MYOM2: variants seen among roughly 807,000 people sequenced by gnomAD.
MYOM2 encodes myomesin 2, also known as myomesin-2.
Under a neutral mutation model 187.6 loss-of-function variants are expected in MYOM2, and 254 were observed. The ratio of observed to expected loss-of-function variants is 1.35; its 90% CI spans 1.22 to 1.50. The LOEUF is 1.50. MYOM2 is among the 40% of genes most tolerant of loss of function. MYOM2 has a pLI of 0.00. For missense variants in MYOM2, 2,796 were observed against 1,924.0 expected (o/e 1.45, Z -8.48); for synonymous variants, 981 against 753.8 (o/e 1.30, Z -4.94).
intron 31 of MYOM2, among the ~76,000 whole-genome samples, chr8:2,128,351 A>G (rs992036255): frequency 5.3e-5 from 8 of 152,224 alleles, no homozygotes; most frequent in African/African-American, 1.9e-4. Context: ...TTGTTACACT[A>G]TCCTCCACAA....
intron 34 of MYOM2, among the ~76,000 whole-genome samples, chr8:2,141,505 T>G (rs1443518869): frequency 6.6e-6 from 1 of 152,184 alleles, no homozygotes; most frequent in African/African-American, 2.4e-5. Flanking sequence ...TAAACCTGAG[T>G]GGGGCTTTTG....
intron 32 of MYOM2, among the ~76,000 whole-genome samples, chr8:2,135,743 A>G (rs541967708): frequency 6.6e-6 from 1 of 152,342 alleles, no homozygotes; most frequent in African/African-American, 2.4e-5. Context: ...TTATGTCTCT[A>G]AACAACAATA....
chr8:2,065,750 A>C (rs1030211331), intron 6 of MYOM2, among the ~76,000 whole-genome samples: 2 of 152,176 alleles, frequency 1.3e-5, no homozygotes, highest in Non-Finnish European at 2.9e-5. Flanking sequence ...AATATTATCC[A>C]ATTACATAGA....
chr8:2,118,236 T>C (rs141820501), intron 28 of MYOM2, among the ~76,000 whole-genome samples: 1,638 of 152,300 alleles, frequency 0.011, 16 homozygotes, highest in Non-Finnish European at 0.017. Flanking sequence ...AGTGAGTTTA[T>C]GAGAAAGTGT....
intron 32 of MYOM2, among the ~76,000 whole-genome samples, chr8:2,135,026 G>A (rs1432032762): frequency 2.6e-5 from 4 of 152,226 alleles, no homozygotes; most frequent in South Asian, 4.1e-4. Flanking sequence ...GCATCTCACC[G>A]TCTGTGTACT....
At position 2,078,779 on chromosome 8, in the gene MYOM2, G is replaced by A. The variant is rs138301259; in HGVS notation, c.1308G>A (p.Pro436=). The change falls in exon 12 of 37, where the codon CCG becomes CCA. Residue 436 remains proline, a synonymous_variant. Coordinates refer to ENST00000262113, the MANE Select transcript of MYOM2 (RefSeq NM_003970.4). ...TNNWVQCNDA[P]VKICKYPVTG... The stretch of plus-strand genomic sequence containing the variant: ...ATTGGGTGCAGTGCAATGATGCACC[G>A]GTGAAAATCTGCAAATACCCGGTCA... 8.1e-5 allele frequency: 130 copies of A among 1,614,022 alleles called. No individual in the cohort carries two copies. The highest frequency in any genetic ancestry group is 2.5e-4 in the East Asian group (11 of 44,890).
At position 2,072,405 on chromosome 8, in the gene MYOM2, G is replaced by T. The variant is rs1648384150; in HGVS notation, c.854G>T (p.Gly285Val). ...HFDVQFLEKF[G>V]VTFRREGETV... ...GACGTCCAGTTTTTGGAGAAGTTTGGGGTCACCTTCAGGAGGGAAGGCGAG... is the reference window on the plus strand; with the variant it reads ...GACGTCCAGTTTTTGGAGAAGTTTGTGGTCACCTTCAGGAGGGAAGGCGAG... Residue 285 changes from glycine (G) to valine (V), a missense_variant, in exon 9 of 37, where the codon GGG (glycine) becomes GTG (valine). By Grantham distance (109) the Gly-to-Val change is moderately radical (BLOSUM62 -3). Transcript: ENST00000262113. 2 of 1,614,054 alleles carry T rather than the reference G, an allele frequency of 1.2e-6. No individual in the cohort carries two copies.
chr8:2,112,324 T>C (rs778041152), intron 25 of MYOM2, among the ~76,000 whole-genome samples: 19 of 144,176 alleles, frequency 1.3e-4, no homozygotes, highest in Non-Finnish European at 2.1e-4. Flanking sequence ...TTGAAGAGGC[T>C]GAAGTAGTCA....
intron 13 of MYOM2, 75 bp downstream of exon 13, chr8:2,079,688 A>G (rs1819556795): frequency 6.7e-7 from 1 of 1,482,468 alleles, no homozygotes; most frequent in South Asian, 1.1e-5. Context: ...GGAGAGATGG[A>G]CAGAGAACGC....
chr8:2,135,075 A>G (rs79655414), intron 32 of MYOM2, among the ~76,000 whole-genome samples: 4,256 of 152,256 alleles, frequency 0.028, 62 homozygotes, highest in Middle Eastern at 0.048. Context: ...CACAGCCTTC[A>G]TTCAAGCCTT....
rs113213631 is a variant in MYOM2, at chr8:2,096,245, A to G, written c.2126-2A>G. On this transcript the variant is annotated splice_acceptor_variant, in intron 17 of 36. Coordinates refer to ENST00000262113, the MANE Select transcript of MYOM2 (RefSeq NM_003970.4). LOFTEE classifies it high-confidence loss of function. Reference sequence around the variant, plus strand: ...TAACTCCCTGGTTGTGCTTCCTTGCAGCCGTCCCGTCCCATCCTTATGGGA... The same window carrying G: ...TAACTCCCTGGTTGTGCTTCCTTGCGGCCGTCCCGTCCCATCCTTATGGGA... 1.7e-5 allele frequency: 28 copies of G among 1,611,144 alleles called. No individual in the cohort carries two copies. The highest frequency in any genetic ancestry group is 2.2e-5 in the Non-Finnish European group (26 of 1,178,102).
intron 32 of MYOM2, among the ~76,000 whole-genome samples, chr8:2,131,371 G>A (rs771737363): frequency 6.6e-6 from 1 of 152,030 alleles, no homozygotes; most frequent in African/African-American, 2.4e-5. Context: ...TGAAAGAGCA[G>A]GGATTTGAAC....
In MYOM2 at chr8:2,096,431, A is replaced by C. The variant is rs376566126; in HGVS notation, c.2310A>C (p.Leu770=). Residue 770 remains leucine (L), a synonymous_variant, in exon 18 of 37, where the codon CTA becomes CTC. Coordinates refer to ENST00000262113, the MANE Select transcript of MYOM2 (RefSeq NM_003970.4). ...CCTCACCCAGCAAACCGACAATCCT[A>C]ACGGTCAGTTGGTTTTTATTCCTTC... ...VNSSPSKPTI[L]TVDGLTEGSL... The C allele has an allele frequency of 5.6e-6, 9 of 1,613,882 alleles. No homozygotes were observed. The highest frequency in any genetic ancestry group is 4.0e-5 in the African/African-American group (3 of 75,048).
chr8:2,131,001 T>G (rs895017411), intron 32 of MYOM2, among the ~76,000 whole-genome samples: 9 of 152,218 alleles, frequency 5.9e-5, no homozygotes, highest in African/African-American at 2.2e-4. Flanking sequence ...TGTCCTGCCA[T>G]CCGTCATAAA....
chr8:2,097,442 C>G (rs899191051), intron 18 of MYOM2, among the ~76,000 whole-genome samples: 1 of 152,064 alleles, frequency 6.6e-6, no homozygotes, highest in Non-Finnish European at 1.5e-5. Context: ...TTAAATCAAG[C>G]CAATTAACAT....
chr8:2,115,658 G>C (rs1253333803), intron 25 of MYOM2, among the ~76,000 whole-genome samples: 2 of 152,198 alleles, frequency 1.3e-5, no homozygotes, highest in Non-Finnish European at 2.9e-5. Context: ...ATTTTCTCCT[G>C]TGAATTTTAT....
At chr8:2,056,404 G>C (rs933474166) in intron 3 of MYOM2, among the ~76,000 whole-genome samples, 56 of 152,156 alleles carry the variant, frequency 3.7e-4, no homozygotes, top group African/African-American at 1.4e-3. Flanking sequence ...GGCTGAAAGA[G>C]CTCCTGCAGG....
In MYOM2 at chr8:2,073,459, G is replaced by A. The variant is rs199596524; in HGVS notation, c.1079G>A (p.Arg360Gln). 1.1e-5 allele frequency: 17 copies of A among 1,610,144 alleles called. No individual in the cohort carries two copies. Among genetic ancestry groups the A allele is most frequent in the Middle Eastern group, 1.6e-4 (1 of 6,070 alleles). The change falls in exon 10 of 37, where the codon CGG becomes CAG. Residue 360 changes from arginine (R) to glutamine (Q), a missense_variant. Arg to Gln is a conservative substitution (Grantham distance 43). Transcript: ENST00000262113. ...EGLYTLRIVS[R>Q]GGVSDHSAFL... The stretch of plus-strand genomic sequence containing the variant: ...CTGTACACCCTGCGCATCGTGTCTC[G>A]GGGCGGCGTCAGCGACCACAGCGCC...
At chr8:2,102,085 A>T (rs1382575679) in intron 20 of MYOM2, 2 of 152,354 alleles carry the variant, frequency 1.3e-5, no homozygotes, top group African/African-American at 4.8e-5. Flanking sequence ...GCACCTGAGC[A>T]CAGGCTGAGA....
Sources: gnomAD v4.1 joint callset for allele counts (sites outside exome capture counted in the v4.1 genomes callset) on GRCh38, gnomAD v4.1.1 for gene constraint, MANE v1.5 for transcripts, NCBI Gene and HGNC (gene_info 2026-07-23, HGNC 2026-07-21) for gene names.